The following FYB1 variants were observed in gnomAD, a reference collection of about 807,000 sequenced individuals.
FYB1 encodes the protein FYN-binding protein 1.
FYB1 carries 41 observed loss-of-function variants against 94.1 expected under a neutral mutation model. That is an observed-to-expected ratio of 0.44 (90% confidence interval 0.34 to 0.57). The LOEUF (loss-of-function observed/expected upper bound fraction) is 0.57. FYB1 is among the 20% of genes least tolerant of loss of function. FYB1 has a pLI of 0.02. For synonymous variants in FYB1, 367 were observed against 353.2 expected (o/e 1.04, Z -0.44); for missense variants, 1,050 against 976.8 (o/e 1.07, Z -1.00).
At chr5:39,208,920 A>G (rs13356451) in intron 1 of FYB1, 1 of 152,172 alleles carries the variant, frequency 6.6e-6, no homozygotes, top group Non-Finnish European at 1.5e-5. Context: ...AAGCAATTCA[A>G]ATTTTTATAG....
At chr5:39,172,979 C>T (rs928584822) in intron 2 of FYB1, among the ~76,000 whole-genome samples, 1 of 152,202 alleles carries the variant, frequency 6.6e-6, no homozygotes, top group African/African-American at 2.4e-5. Flanking sequence ...GTAGGGATTG[C>T]TGGGTTGAAT....
At chr5:39,220,057 T>A (rs557489899), upstream of FYB1, among the ~76,000 whole-genome samples, 1 of 152,234 alleles carries the variant, frequency 6.6e-6, no homozygotes, top group African/African-American at 2.4e-5. Context: ...CGGCTCTCTG[T>A]TAGACTATTC....
chr5:39,162,696 T>C (rs1744365272), intron 2 of FYB1, among the ~76,000 whole-genome samples: 2 of 147,144 alleles, frequency 1.4e-5, no homozygotes, highest in African/African-American at 4.9e-5. Context: ...AAAAAAGTTT[T>C]GGTAAGTAAT....
intron 2 of FYB1, among the ~76,000 whole-genome samples, chr5:39,165,221 A>C (rs1354419818): frequency 6.6e-6 from 1 of 152,234 alleles, no homozygotes; most frequent in Non-Finnish European, 1.5e-5. Flanking sequence ...GAGCCATCAC[A>C]TTACCTGTCT....
chr5:39,137,782 T>C, intron 6 of FYB1, 62 bp from the exon 7 acceptor site: 6 of 1,540,832 alleles, frequency 3.9e-6, no homozygotes, highest in Non-Finnish European at 5.2e-6. Context: ...CGGAACTCCC[T>C]ACCTAGAAGT....
chr5:39,167,744 A>G (rs1284705127), intron 2 of FYB1, among the ~76,000 whole-genome samples: 2 of 152,166 alleles, frequency 1.3e-5, no homozygotes, highest in Non-Finnish European at 2.9e-5. Context: ...GAGATGAAAG[A>G]TTTGCATATT....
intron 1 of FYB1, among the ~76,000 whole-genome samples, chr5:39,231,961 A>T (rs1000611047): frequency 2.0e-5 from 3 of 152,202 alleles, no homozygotes; most frequent in African/African-American, 7.2e-5. Flanking sequence ...ACTTAAAAAA[A>T]AGTGACTGGA....
chr5:39,187,543 C>T (rs111586496), intron 2 of FYB1, among the ~76,000 whole-genome samples: 4 of 152,274 alleles, frequency 2.6e-5, no homozygotes, highest in African/African-American at 9.6e-5. Flanking sequence ...TACAGTTGCA[C>T]TTGGGCAATA....
Position 39,123,075 on chromosome 5 carries a change from A to G in FYB1, c.2072-673T>C, listed in dbSNP as rs866420814. Among the ~76,000 whole-genome samples the G allele has an allele frequency of 2.0e-5, 3 of 152,284 alleles. No homozygotes were observed. The South Asian group carries it at 6.2e-4, about 32-fold the overall frequency. The stretch of plus-strand genomic sequence containing the variant: ...TCTCCCTTCTAGACTTCTTACTAAT[A>G]AAGTCAGGAATAATGCTTCCTCCCT... On this transcript the variant is annotated intron_variant, in intron 13 of 18. Coordinates refer to ENST00000512982, the MANE Select transcript of FYB1 (RefSeq NM_001465.6).
chr5:39,166,624 A>G (rs750716231), intron 2 of FYB1, among the ~76,000 whole-genome samples: 5 of 152,306 alleles, frequency 3.3e-5, no homozygotes, highest in Non-Finnish European at 5.9e-5. Flanking sequence ...CTACTCAGCC[A>G]TAAAAAAATA....
At chr5:39,116,277 A>G (rs1739559560) in intron 16 of FYB1, among the ~76,000 whole-genome samples, 1 of 152,228 alleles carries the variant, frequency 6.6e-6, no homozygotes, top group African/African-American at 2.4e-5. Flanking sequence ...AGCAACATGT[A>G]TATAAGTGCT....
intron 4 of FYB1, chr5:39,139,858 A>T (rs932150768): frequency 5.9e-5 from 9 of 152,332 alleles, no homozygotes; most frequent in Admixed American, 4.6e-4. Flanking sequence ...ACACACCCAT[A>T]ATATACACAT....
chr5:39,122,364 C>A lies in FYB1; in HGVS notation c.2110G>T (p.Asp704Tyr). 6.3e-7 allele frequency: 1 copy of A among 1,580,072 alleles called. No individual in the cohort carries two copies. Among genetic ancestry groups the A allele is most frequent in the Non-Finnish European group, 8.6e-7 (1 of 1,159,834 alleles). ...ATCTCTGCTGATGAAACAGGGAAAT[C>A]AGAGGTATCCACATCATCGTAAACT... ...DEVYDDVDTS[D>Y]FPVSSAEMSQ... The change falls in exon 14 of 19, where the codon GAT (aspartate) becomes TAT (tyrosine). Residue 704 changes from aspartate (D) to tyrosine (Y), a missense_variant. Asp to Tyr is a radical substitution (Grantham distance 160). Coordinates refer to ENST00000512982, the MANE Select transcript of FYB1 (RefSeq NM_001465.6).
intron 1 of FYB1, among the ~76,000 whole-genome samples, chr5:39,230,507 A>T (rs1750672794): frequency 6.6e-6 from 1 of 152,124 alleles, no homozygotes; most frequent in East Asian, 1.9e-4. Flanking sequence ...CATGAAATTC[A>T]TGGTAATTTG....
chr5:39,171,584 T>A (rs1384391036), intron 2 of FYB1, among the ~76,000 whole-genome samples: 1 of 152,150 alleles, frequency 6.6e-6, no homozygotes, highest in Non-Finnish European at 1.5e-5. Context: ...AAGTTCAACC[T>A]AAAGAGGCAA....
In FYB1 at chr5:39,261,701, C is replaced by T. The variant is rs141692118; in HGVS notation, c.-28+12702G>A. On this transcript the variant is annotated intron_variant, in intron 1 of 1. Transcript: ENST00000510188. ...GGCGGAGATTGCAGTGAGCAGAGATCGTGCTACTGCCCTCCAGCCTGGGCA... is the reference window on the plus strand; with the variant it reads ...GGCGGAGATTGCAGTGAGCAGAGATTGTGCTACTGCCCTCCAGCCTGGGCA... 5.1e-3 allele frequency among the ~76,000 whole-genome samples: 780 copies of T among 152,094 alleles called. 9 individuals carry two copies. The highest frequency in any genetic ancestry group is 0.018 in the African/African-American group (728 of 41,468).
chr5:39,149,868 C>T (rs1018434335), intron 3 of FYB1, among the ~76,000 whole-genome samples: 3 of 152,164 alleles, frequency 2.0e-5, no homozygotes, highest in Non-Finnish European at 4.4e-5. Context: ...GAGCTCAGTT[C>T]CTTTCTTCTC....
intron 1 of FYB1, chr5:39,270,666 C>T (rs1384473198): frequency 3.2e-6 from 4 of 1,241,442 alleles, no homozygotes; most frequent in African/African-American, 3.0e-5. Context: ...GCAGAGTGTA[C>T]TTCCTTTTCT....
intron 2 of FYB1, among the ~76,000 whole-genome samples, chr5:39,180,886 G>T (rs1746159898): frequency 6.6e-6 from 1 of 152,120 alleles, no homozygotes; most frequent in South Asian, 2.1e-4. Flanking sequence ...ATTTTTAATA[G>T]CTATTTTGTC....
Sources: allele counts gnomAD v4.1 joint callset (sites outside exome capture counted in the v4.1 genomes callset), GRCh38; gene constraint gnomAD v4.1.1; transcripts MANE v1.5; gene names NCBI Gene and HGNC (gene_info 2026-07-23, HGNC 2026-07-21).